The following AGTPBP1 variants were observed in gnomAD, a reference collection of about 807,000 sequenced individuals.
The protein encoded by AGTPBP1 is cytosolic carboxypeptidase 1.
Under a neutral mutation model 143.9 loss-of-function variants are expected in AGTPBP1, and 70 were observed. The observed-to-expected ratio is 0.49, with a 90% CI of 0.40 to 0.59. The LOEUF is 0.59. AGTPBP1 is among the 20% of genes least tolerant of loss of function. The pLI is 0.00. For synonymous variants in AGTPBP1, 463 were observed against 500.2 expected, an observed-to-expected ratio of 0.93 and a Z score of 0.99; for missense variants, 1,229 against 1,464.5, an observed-to-expected ratio of 0.84 and a Z score of 2.62.
rs1834385521 is a variant in AGTPBP1 at position 85,669,974 on chromosome 9, C to A, written c.569-396G>T. Among the ~76,000 whole-genome samples, 3 of 152,224 alleles carry A rather than the reference C, an allele frequency of 2.0e-5. No individual in the cohort carries two copies. The South Asian group carries it at 6.2e-4, about 32-fold the overall frequency. On this transcript the variant is annotated intron_variant, in intron 7 of 25. Coordinates refer to ENST00000357081, the MANE Select transcript of AGTPBP1 (RefSeq NM_001330701.2). ...GACAGAAACAATAAACAAATAATTA[C>A]TAAATTACTTTCAAAATAGATCAAG...
chr9:85,778,039 C>T, the AGTPBP1 span, among the ~76,000 whole-genome samples: 1 of 152,192 alleles, frequency 6.6e-6, no homozygotes, highest in South Asian at 2.1e-4. Context: ...TAGGGAACTC[C>T]CCATGAGGCC....
chr9:85,749,749 T>C, the AGTPBP1 span, among the ~76,000 whole-genome samples: 2 of 152,128 alleles, frequency 1.3e-5, no homozygotes, highest in Non-Finnish European at 2.9e-5. Context: ...ATGGGATAAT[T>C]AAATAGATAT....
chr9:85,745,825 G>C (rs1255781577), upstream of AGTPBP1, among the ~76,000 whole-genome samples: 1 of 152,228 alleles, frequency 6.6e-6, no homozygotes, highest in Non-Finnish European at 1.5e-5. Flanking sequence ...CAGACAGTGA[G>C]AGTATGGCAG....
At chr9:85,615,588 A>G (rs1466777866) in intron 17 of AGTPBP1, among the ~76,000 whole-genome samples, 1 of 152,090 alleles carries the variant, frequency 6.6e-6, no homozygotes, top group Non-Finnish European at 1.5e-5. Flanking sequence ...TCATACTATA[A>G]TCCCAAATCT....
At chr9:85,775,594 A>G in the AGTPBP1 span, among the ~76,000 whole-genome samples, 35 of 148,030 alleles carry the variant, frequency 2.4e-4, no homozygotes, top group African/African-American at 8.3e-4. Flanking sequence ...ATAAATATAT[A>G]TATATAAATA....
At chr9:85,742,179 G>C, upstream of AGTPBP1, 10 of 387,110 alleles carry the variant, frequency 2.6e-5, no homozygotes, top group East Asian at 7.2e-5. Flanking sequence ...GGCGGAGCGC[G>C]CACGGGAGCG....
chr9:85,640,034 G>C (rs923443551), intron 13 of AGTPBP1, among the ~76,000 whole-genome samples: 1 of 152,154 alleles, frequency 6.6e-6, no homozygotes, highest in Non-Finnish European at 1.5e-5. Context: ...AGCATTAATG[G>C]TTGATGCTGA....
chr9:85,747,975 T>G, the AGTPBP1 span, among the ~76,000 whole-genome samples: 2 of 152,184 alleles, frequency 1.3e-5, no homozygotes, highest in Admixed American at 6.5e-5. Context: ...AATATCTTAG[T>G]TTTTTTCATC....
At chr9:85,587,111 A>C in intron 21 of AGTPBP1, 151 bp from the exon 22 acceptor site, 4 of 842,180 alleles carry the variant, frequency 4.7e-6, no homozygotes, top group South Asian at 3.1e-5. Flanking sequence ...GCTCAACCAA[A>C]TGCATACTAT....
the AGTPBP1 span, chr9:85,787,866 T>C: frequency 6.6e-6 from 1 of 152,224 alleles, no homozygotes; most frequent in East Asian, 1.9e-4. Context: ...TTTTTTCTGA[T>C]GTAGTGCTGC....
intron 23 of AGTPBP1, among the ~76,000 whole-genome samples, chr9:85,582,495 G>A (rs1828331920): frequency 6.6e-6 from 1 of 152,044 alleles, no homozygotes; most frequent in Non-Finnish European, 1.5e-5. Context: ...TGGCCAACAT[G>A]GTGAAACCCC....
intron 4 of AGTPBP1, among the ~76,000 whole-genome samples, chr9:85,679,518 C>T (rs534552990): frequency 4.7e-4 from 72 of 152,152 alleles, no homozygotes; most frequent in Non-Finnish European, 6.5e-4. Context: ...TGCCATTCTC[C>T]TGCCTCAGCC....
chr9:85,725,949 T>A (rs999206524), intron 1 of AGTPBP1, among the ~76,000 whole-genome samples: 14 of 149,952 alleles, frequency 9.3e-5, no homozygotes, highest in Non-Finnish European at 1.8e-4. Context: ...CTCAGGAGGC[T>A]GAGGCAGGAG....
intron 1 of AGTPBP1, among the ~76,000 whole-genome samples, chr9:85,737,632 A>G (rs1160030176): frequency 1.3e-5 from 2 of 152,238 alleles, no homozygotes; most frequent in African/African-American, 4.8e-5. Context: ...GAAGATCTGC[A>G]TAACACTGAA....
intron 14 of AGTPBP1, among the ~76,000 whole-genome samples, chr9:85,623,056 G>C (rs888660791): frequency 6.6e-6 from 1 of 152,172 alleles, no homozygotes; most frequent in African/African-American, 2.4e-5. Flanking sequence ...ACGCAAAACA[G>C]GGTCAAAGAG....
At chr9:85,646,717 T>C (rs1003861140) in intron 11 of AGTPBP1, among the ~76,000 whole-genome samples, 2 of 152,222 alleles carry the variant, frequency 1.3e-5, no homozygotes, top group Admixed American at 1.3e-4. Flanking sequence ...TTCTATTTAT[T>C]ATAAATTTCA....
chr9:85,776,388 T>C, the AGTPBP1 span, among the ~76,000 whole-genome samples: 1 of 152,230 alleles, frequency 6.6e-6, no homozygotes, highest in Non-Finnish European at 1.5e-5. Flanking sequence ...TCTTTGCCTT[T>C]AGCAAGCACC....
intron 24 of AGTPBP1, 45 bp from the exon 25 acceptor site, chr9:85,575,520 T>A (rs1370393654): frequency 4.7e-6 from 7 of 1,503,172 alleles, no homozygotes; most frequent in Middle Eastern, 1.9e-4. Context: ...AAGTTTGCTA[T>A]CTTCTGGATA....
intron 1 of AGTPBP1, among the ~76,000 whole-genome samples, chr9:85,738,353 T>C (rs1273491791): frequency 1.3e-5 from 2 of 151,762 alleles, no homozygotes; most frequent in African/African-American, 2.4e-5. Context: ...GAAAATTATA[T>C]GAAAGCTGAA....
Sources: gnomAD v4.1 joint callset for allele counts (sites outside exome capture counted in the v4.1 genomes callset) on GRCh38, gnomAD v4.1.1 for gene constraint, MANE v1.5 for transcripts, NCBI Gene and HGNC (gene_info 2026-07-23, HGNC 2026-07-21) for gene names.